The following BICRAL variants were observed in gnomAD, a reference collection of about 807,000 sequenced individuals.
BICRAL encodes the protein BICRA like chromatin remodeling complex associated protein.
In BICRAL, 8 loss-of-function variants were observed where a neutral mutation model predicts 91.8. That is an observed-to-expected ratio of 0.09 (90% CI 0.05 to 0.16). BICRAL has a LOEUF of 0.16. Ranked by LOEUF, BICRAL falls within the 10% of genes least tolerant of loss-of-function variation. The pLI, the probability that BICRAL is intolerant of heterozygous loss-of-function variation, is 1.00. For missense variants in BICRAL, 1,038 were observed against 1,310.9 expected (o/e 0.79, Z 3.21); for synonymous variants, 445 against 491.1 (o/e 0.91, Z 1.24).
At chr6:42,787,886 CTT>C (rs35502833) in intron 1 of BICRAL, among the ~76,000 whole-genome samples, 24 of 138,386 alleles carry the variant, frequency 1.7e-4, no homozygotes, top group African/African-American at 5.2e-4. Context: ...AAGAAGAGGG[CTT>C]TTTTTTTTTT....
intron 6 of BICRAL, among the ~76,000 whole-genome samples, chr6:42,846,328 A>AT (rs1435545207): frequency 6.6e-6 from 1 of 152,062 alleles, no homozygotes; most frequent in African/African-American, 2.4e-5. Flanking sequence ...AGATCGCGCC[A>AT]TTGCACTCCA....
intron 1 of BICRAL, among the ~76,000 whole-genome samples, chr6:42,793,743 T>C (rs1050348622): frequency 1.3e-5 from 2 of 150,894 alleles, no homozygotes; most frequent in East Asian, 1.9e-4. Flanking sequence ...GCTACTTCTA[T>C]GCGTAGGCCT....
chr6:42,858,595 G>A (rs575191783), intron 10 of BICRAL, among the ~76,000 whole-genome samples: 1 of 149,264 alleles, frequency 6.7e-6, no homozygotes, highest in South Asian at 2.1e-4. Context: ...AGGTGGGTGG[G>A]TCACCTGAGG....
In BICRAL at chr6:42,834,365, C is replaced by T. The variant is rs972999208; in HGVS notation, c.1839+4193C>T. ...CCTTTTGTCATTAATTAGAATCTTC[C>T]AGAAGATAATTTGAAACTCTGTAGG... is the stretch of plus-strand genomic sequence containing the variant. On this transcript the variant is annotated intron_variant, in intron 6 of 12. Transcript: ENST00000314073. 3.3e-5 allele frequency among the ~76,000 whole-genome samples: 5 copies of T among 152,124 alleles called. No homozygotes were observed. The South Asian group carries it at 8.3e-4, about 25-fold the overall frequency.
rs747773730 is a variant in BICRAL, at chr6:42,829,908, C to T, written c.1575C>T (p.Phe525=). 16 of 1,614,108 alleles carry T rather than the reference C, an allele frequency of 9.9e-6. No homozygotes were observed. The highest frequency in any genetic ancestry group is 4.0e-5 in the African/African-American group (3 of 74,940). Residue 525 remains phenylalanine (F), a synonymous_variant, in exon 6 of 13, where the codon TTC becomes TTT. Transcript: ENST00000314073. ...GCGTTTCCCAAGGAAGACCTGGCTT[C>T]GCCACCATGCCATCGGTGACAAGCA... ...QSSVSQGRPG[F]ATMPSVTSMS...
intron 7 of BICRAL, chr6:42,852,507 C>T (rs1223704721): frequency 2.2e-6 from 1 of 445,370 alleles, no homozygotes; most frequent in South Asian, 1.7e-5. Context: ...ACTAAAAATA[C>T]AAAAATTAGC....
intron 2 of BICRAL, among the ~76,000 whole-genome samples, chr6:42,816,531 A>G (rs1231863948): frequency 6.6e-6 from 1 of 152,098 alleles, no homozygotes; most frequent in East Asian, 1.9e-4. Flanking sequence ...GGCTCAAGTC[A>G]TCCTCCGACC....
intron 1 of BICRAL, among the ~76,000 whole-genome samples, chr6:42,784,976 A>C (rs1020292763): frequency 3.3e-5 from 5 of 152,142 alleles, no homozygotes; most frequent in Non-Finnish European, 7.3e-5. Context: ...TATGCTATGC[A>C]CTGTTCTGCT....
intron 6 of BICRAL, among the ~76,000 whole-genome samples, chr6:42,831,536 A>T (rs1308731775): frequency 6.6e-6 from 1 of 152,168 alleles, no homozygotes. Flanking sequence ...CTTCACTGTC[A>T]TCTGCTGATC....
At chr6:42,749,960 T>G (rs1198773225) in intron 1 of BICRAL, among the ~76,000 whole-genome samples, 1 of 151,938 alleles carries the variant, frequency 6.6e-6, no homozygotes, top group East Asian at 1.9e-4. Flanking sequence ...GTTCAAGTGA[T>G]TCTCCTGCCT....
intron 1 of BICRAL, among the ~76,000 whole-genome samples, 200 bp from the exon 2 acceptor site, chr6:42,810,106 T>G (rs920222971): frequency 1.3e-5 from 2 of 152,132 alleles, no homozygotes; most frequent in Non-Finnish European, 2.9e-5. Flanking sequence ...AATTTCTAAG[T>G]CTTTCTTGTA....
chr6:42,821,899 C>T (rs1764147533), intron 2 of BICRAL, 119 bp from the exon 3 acceptor site: 5 of 575,540 alleles, frequency 8.7e-6, no homozygotes, highest in Admixed American at 5.6e-5. Context: ...CAGAGGAAAA[C>T]TCACGTGAAT....
chr6:42,801,068 C>T (rs902164195), intron 1 of BICRAL, among the ~76,000 whole-genome samples: 1 of 151,940 alleles, frequency 6.6e-6, no homozygotes, highest in African/African-American at 2.4e-5. Flanking sequence ...GCCTGGCCAA[C>T]ATGGTGAAAC....
At chr6:42,758,237 T>C (rs1762490461) in intron 1 of BICRAL, among the ~76,000 whole-genome samples, 1 of 152,116 alleles carries the variant, frequency 6.6e-6, no homozygotes, top group African/African-American at 2.4e-5. Flanking sequence ...ATCCCCCAGT[T>C]CTCTATACCG....
Position 42,857,247 on chromosome 6 carries a change from T to C in BICRAL, c.2254+11T>C, listed in dbSNP as rs780019675. ...AAGACTTGAGAAAAGGTAAGCAGGC[T>C]GGGACCCTAAGGCACCACTCTGATA... is the stretch of plus-strand genomic sequence containing the variant. On this transcript the variant is annotated intron_variant, in intron 10 of 12. Transcript: ENST00000314073. 1.2e-6 allele frequency: 2 copies of C among 1,609,460 alleles called. No individual in the cohort carries two copies. Among genetic ancestry groups the C allele is most frequent in the South Asian group, 1.1e-5 (1 of 90,750 alleles).
chr6:42,820,190 T>C (rs1181061116), intron 2 of BICRAL, among the ~76,000 whole-genome samples: 1 of 152,052 alleles, frequency 6.6e-6, no homozygotes, highest in Non-Finnish European at 1.5e-5. Context: ...TAGGCAAGTG[T>C]GTCAAGTAAG....
intron 6 of BICRAL, among the ~76,000 whole-genome samples, chr6:42,833,049 G>A (rs903029273): frequency 6.6e-6 from 1 of 151,446 alleles, no homozygotes; most frequent in Non-Finnish European, 1.5e-5. Flanking sequence ...GTTACCCAGG[G>A]TAGACTGTCT....
chr6:42,804,738 A>G (rs1763662341), intron 1 of BICRAL, among the ~76,000 whole-genome samples: 1 of 152,250 alleles, frequency 6.6e-6, no homozygotes. Context: ...GTAATGAGCC[A>G]GTATATTCAG....
chr6:42,803,873 T>C (rs72864239), intron 1 of BICRAL, among the ~76,000 whole-genome samples: 2,799 of 152,342 alleles, frequency 0.018, 36 homozygotes, highest in Non-Finnish European at 0.028. Context: ...TAGCCTATTG[T>C]TCCCAGGCAC....
Sources: allele counts gnomAD v4.1 joint callset (sites outside exome capture counted in the v4.1 genomes callset), GRCh38; gene constraint gnomAD v4.1.1; transcripts MANE v1.5; gene names NCBI Gene and HGNC (gene_info 2026-07-23, HGNC 2026-07-21).